Variants in PTPRD observed in about 807,000 individuals in gnomAD.
The protein encoded by PTPRD is protein tyrosine phosphatase receptor type D.
In PTPRD, 34 loss-of-function variants were observed where a neutral mutation model predicts 214.5. The ratio of observed to expected loss-of-function variants is 0.16; its 90% CI spans 0.12 to 0.21. PTPRD has a LOEUF of 0.21. Among genes scored for constraint, PTPRD ranks in the 10% least tolerant of loss-of-function variants. PTPRD has a pLI of 1.00. For synonymous variants in PTPRD, 1,128 were observed against 845.7 expected (o/e 1.33, Z -5.79); for missense variants, 2,545 against 2,398.7 (o/e 1.06, Z -1.27).
intron 11 of PTPRD, among the ~76,000 whole-genome samples, chr9:8,811,631 T>C (rs2096805694): frequency 6.6e-6 from 1 of 151,084 alleles, no homozygotes; most frequent in South Asian, 2.1e-4. Context: ...AAGATGAACT[T>C]TTTTTTTTTC....
intron 11 of PTPRD, among the ~76,000 whole-genome samples, chr9:8,803,738 T>TAA (rs955348096): frequency 2.2e-5 from 3 of 135,828 alleles, no homozygotes; most frequent in Non-Finnish European, 4.8e-5. Context: ...TGTCTCAAAT[T>TAA]AAAAAAAAAA....
intron 2 of PTPRD, among the ~76,000 whole-genome samples, chr9:10,486,860 G>T (rs2099136140): frequency 6.6e-6 from 1 of 152,030 alleles, no homozygotes; most frequent in Non-Finnish European, 1.5e-5. Flanking sequence ...TTTCTTCATT[G>T]ATTTTCTTTC....
chr9:10,175,192 A>C (rs1028941233), intron 3 of PTPRD, among the ~76,000 whole-genome samples: 5 of 152,092 alleles, frequency 3.3e-5, no homozygotes, highest in African/African-American at 9.7e-5. Flanking sequence ...ACTGCTACTT[A>C]CTAGCTCTCT....
At chr9:8,559,689 A>G (rs1042179996) in intron 14 of PTPRD, among the ~76,000 whole-genome samples, 6 of 152,224 alleles carry the variant, frequency 3.9e-5, no homozygotes, top group African/African-American at 9.6e-5. Context: ...GGTGCTATCA[A>G]GTGGGGCTGC....
intron 9 of PTPRD, among the ~76,000 whole-genome samples, chr9:9,304,671 T>C (rs1956546856): frequency 6.6e-6 from 1 of 151,166 alleles, no homozygotes; most frequent in Non-Finnish European, 1.5e-5. Context: ...CTAGATTATA[T>C]ATTTCCCTAG....
At chr9:8,386,014 G>A (rs1589227878) in intron 37 of PTPRD, among the ~76,000 whole-genome samples, 1 of 152,180 alleles carries the variant, frequency 6.6e-6, no homozygotes, top group South Asian at 2.1e-4. Context: ...TATCTTTTGG[G>A]GAAACTGAAG....
intron 10 of PTPRD, among the ~76,000 whole-genome samples, chr9:9,122,066 T>G (rs1428280392): frequency 6.6e-6 from 1 of 152,132 alleles, no homozygotes. Flanking sequence ...TACTAGCCAT[T>G]TATGATAGAA....
rs1054505195 is a variant in PTPRD, at chr9:8,959,165, T to C, written c.-104+59532A>G. Reference sequence around the variant, plus strand: ...TGCCTTCATTCATTCATTTATCAAATATTCATTGAGCACCCATCATGTGTA... The same window carrying C: ...TGCCTTCATTCATTCATTTATCAAACATTCATTGAGCACCCATCATGTGTA... On this transcript the variant is annotated intron_variant, in intron 11 of 45. Transcript: ENST00000381196. Among the ~76,000 whole-genome samples the C allele has an allele frequency of 2.6e-5, 4 of 152,002 alleles. No individual in the cohort carries two copies. The East Asian group carries it at 7.7e-4, about 29-fold the overall frequency.
At chr9:9,998,218 A>C (rs2096212959) in intron 4 of PTPRD, among the ~76,000 whole-genome samples, 1 of 150,210 alleles carries the variant, frequency 6.7e-6, no homozygotes, top group Non-Finnish European at 1.5e-5. Flanking sequence ...TGTGGTGAAG[A>C]CCACTGGAGA....
intron 11 of PTPRD, among the ~76,000 whole-genome samples, chr9:8,776,283 A>G (rs796716392): frequency 6.6e-6 from 1 of 152,184 alleles, no homozygotes; most frequent in Non-Finnish European, 1.5e-5. Flanking sequence ...AAGTTAAACT[A>G]GACACCTCAA....
At chr9:8,941,180 G>T (rs1431503338) in intron 11 of PTPRD, among the ~76,000 whole-genome samples, 1 of 152,032 alleles carries the variant, frequency 6.6e-6, no homozygotes, top group Admixed American at 6.6e-5. Flanking sequence ...AGTTTAAAAA[G>T]TAAAATAAAA....
chr9:8,340,525 C>T, intron 41 of PTPRD, 56 bp from the exon 42 acceptor site: 2 of 1,461,204 alleles, frequency 1.4e-6, no homozygotes, highest in Non-Finnish European at 1.8e-6. Context: ...CATGCAAAAG[C>T]TCACACTGGA....
rs12683912 is a variant in PTPRD, at chr9:8,491,931, C to T, written c.2467+931G>A. The stretch of plus-strand genomic sequence containing the variant: ...AATCAAATCATGGTTTACATGTTCA[C>T]GGGAGATTGCCATATATGAGGATTG... On this transcript the variant is annotated intron_variant, in intron 27 of 45. Transcript: ENST00000381196. Among the ~76,000 whole-genome samples, 176 of 152,220 alleles carry T rather than the reference C, an allele frequency of 1.2e-3. 3 individuals are homozygous for T. The East Asian group carries it at 0.033, about 29-fold the overall frequency.
At chr9:10,213,830 C>T (rs1250842199) in intron 3 of PTPRD, among the ~76,000 whole-genome samples, 1 of 151,886 alleles carries the variant, frequency 6.6e-6, no homozygotes, top group Non-Finnish European at 1.5e-5. Flanking sequence ...ATATTATCAC[C>T]CTTAGTTTTC....
At chr9:10,523,622 T>TATATATATATATATATATATATATATAA (rs554367559) in intron 2 of PTPRD, among the ~76,000 whole-genome samples, 1 of 131,384 alleles carries the variant, frequency 7.6e-6, no homozygotes, top group Admixed American at 7.9e-5. Flanking sequence ...TATATATATA[T>TATATATATATATATATATATATATATAA]AGACAGAAAG....
chr9:8,475,662 T>C (rs1279154715), intron 30 of PTPRD, among the ~76,000 whole-genome samples: 1 of 152,192 alleles, frequency 6.6e-6, no homozygotes, highest in Non-Finnish European at 1.5e-5. Context: ...CTCCCTAACA[T>C]TGCACTACAA....
At chr9:8,437,377 G>A in intron 34 of PTPRD, 1 of 640,328 alleles carries the variant, frequency 1.6e-6, no homozygotes, top group Non-Finnish European at 2.6e-6. Context: ...TATACATTGT[G>A]GCTAGTACAA....
intron 2 of PTPRD, among the ~76,000 whole-genome samples, chr9:10,361,058 A>T (rs545893060): frequency 2.0e-5 from 3 of 152,108 alleles, no homozygotes; most frequent in Admixed American, 6.6e-5. Context: ...GCCGAGATGG[A>T]GCCACTGCAC....
chr9:9,163,605 T>C (rs188333555), intron 10 of PTPRD, among the ~76,000 whole-genome samples: 1 of 152,238 alleles, frequency 6.6e-6, no homozygotes, highest in Admixed American at 6.6e-5. Context: ...CTGTAATCTA[T>C]TGTCTACAGT....
Sources: allele counts gnomAD v4.1 joint callset (sites outside exome capture counted in the v4.1 genomes callset), GRCh38; gene constraint gnomAD v4.1.1; transcripts MANE v1.5; gene names NCBI Gene and HGNC (gene_info 2026-07-23, HGNC 2026-07-21).